Variants in PLA2G2F observed in about 807,000 individuals in gnomAD.
PLA2G2F encodes the protein phospholipase A2 group IIF, also known as group IIF secretory phospholipase A2.
In PLA2G2F, 17 loss-of-function variants were observed where a neutral mutation model predicts 15.9. That is an observed-to-expected ratio of 1.07 (90% CI 0.73 to 1.60). The LOEUF is 1.60. Among genes scored for constraint, PLA2G2F ranks in the 40% most tolerant of loss-of-function variants. PLA2G2F has a pLI of 0.00. For synonymous variants in PLA2G2F, 119 were observed against 106.5 expected, an observed-to-expected ratio of 1.12 and a Z score of -0.72; for missense variants, 299 against 278.2, an observed-to-expected ratio of 1.07 and a Z score of -0.53.
chr1:20,141,055 G>A (rs755548770), intron 2 of PLA2G2F: 5 of 152,382 alleles, frequency 3.3e-5, no homozygotes, highest in South Asian at 2.1e-4. Context: ...AAGGTTCCAC[G>A]TGGCCAGACG....
At chr1:20,148,125 G>A in intron 4 of PLA2G2F, 65 bp from the exon 5 acceptor site, 1 of 1,323,608 alleles carries the variant, frequency 7.6e-7, no homozygotes, top group Admixed American at 1.7e-5. Flanking sequence ...CCCTTCCCCA[G>A]CAGTAGTCCT....
Position 20,148,470 on chromosome 1 carries a change from G to A in PLA2G2F, c.*69G>A. 7.3e-7 allele frequency: 1 copy of A among 1,366,144 alleles called. No homozygotes were observed. The highest frequency in any genetic ancestry group is 2.3e-5 in the East Asian group (1 of 43,330). The allele number at this position is 1,366,144 out of a possible 1,614,324, so 84.6% of individuals were successfully genotyped here. A position where few individuals can be genotyped will look rare whatever the true frequency, so the allele number is the denominator to read the frequency against. ...TGGGGACCAGACGAGGTGCAGGGAG[G>A]GTAGGAGCCAGGCCAGGAGCCTGAG... On this transcript the variant is annotated 3_prime_UTR_variant, in exon 5 of 5. Transcript: ENST00000375102.
intron 4 of PLA2G2F, among the ~76,000 whole-genome samples, chr1:20,145,123 T>G (rs2017561599): frequency 6.6e-6 from 1 of 152,082 alleles, no homozygotes; most frequent in African/African-American, 2.4e-5. Context: ...GGCTGCCTAG[T>G]GAAATTCATT....
intron 4 of PLA2G2F, among the ~76,000 whole-genome samples, chr1:20,146,138 G>A (rs1336088382): frequency 6.6e-6 from 1 of 152,212 alleles, no homozygotes; most frequent in Admixed American, 6.5e-5. Flanking sequence ...TCCCCAGATG[G>A]TTCTGAGACT....
At chr1:20,146,604 C>T (rs970627585) in intron 4 of PLA2G2F, among the ~76,000 whole-genome samples, 6 of 152,222 alleles carry the variant, frequency 3.9e-5, no homozygotes, top group African/African-American at 9.6e-5. Flanking sequence ...CCTCTTTGCC[C>T]CCATGTCTTC....
Position 20,148,500 on chromosome 1 carries a change from G to A in PLA2G2F, c.*99G>A. ...GAGCCAGGCCAGGAGCCTGAGGGTTGCTGGTTGCCTCCTCCCTGGAGCTCT... is the reference window on the plus strand; with the variant it reads ...GAGCCAGGCCAGGAGCCTGAGGGTTACTGGTTGCCTCCTCCCTGGAGCTCT... On this transcript the variant is annotated 3_prime_UTR_variant, in exon 5 of 5. Coordinates refer to ENST00000375102, the MANE Select transcript of PLA2G2F (RefSeq NM_022819.4). The A allele has an allele frequency of 9.9e-7, 1 of 1,010,376 alleles. No homozygotes were observed. Among genetic ancestry groups the A allele is most frequent in the Non-Finnish European group, 1.5e-6 (1 of 679,514 alleles). 62.6% of individuals were successfully genotyped at this position (1,010,376 alleles called of 1,614,324 possible).
chr1:20,144,278 C>T (rs1404001290), intron 3 of PLA2G2F, among the ~76,000 whole-genome samples: 2 of 152,178 alleles, frequency 1.3e-5, no homozygotes, highest in African/African-American at 4.8e-5. Context: ...CCCACTGCTG[C>T]AGCCGGGGCT....
rs952703019 is a variant in PLA2G2F, at chr1:20,148,462, G to T, written c.*61G>T. On this transcript the variant is annotated 3_prime_UTR_variant, in exon 5 of 5. Coordinates refer to ENST00000375102, the MANE Select transcript of PLA2G2F (RefSeq NM_022819.4). ...GTCTGGCTTGGGGACCAGACGAGGTGCAGGGAGGGTAGGAGCCAGGCCAGG... is the reference window on the plus strand; with the variant it reads ...GTCTGGCTTGGGGACCAGACGAGGTTCAGGGAGGGTAGGAGCCAGGCCAGG... 26 of 1,437,160 alleles carry T rather than the reference G, an allele frequency of 1.8e-5. No homozygotes were observed. The highest frequency in any genetic ancestry group is 2.8e-5 in the African/African-American group (2 of 71,642). 89.0% of individuals were successfully genotyped at this position (1,437,160 alleles called of 1,614,324 possible).
chr1:20,143,864 C>T (rs933548535), intron 3 of PLA2G2F: 1 of 363,830 alleles, frequency 2.7e-6, no homozygotes, highest in Non-Finnish European at 5.1e-6. Context: ...CCAAAACACA[C>T]ATGGGAGAGC....
At chr1:20,145,284 AT>A (rs201526266) in intron 4 of PLA2G2F, among the ~76,000 whole-genome samples, 2,656 of 140,914 alleles carry the variant, frequency 0.019, 32 homozygotes, top group East Asian at 0.055. Flanking sequence ...TAAAACATGT[AT>A]TTTTTTTTTT....
intron 4 of PLA2G2F, among the ~76,000 whole-genome samples, chr1:20,147,601 AC>A: frequency 6.6e-6 from 1 of 151,952 alleles, no homozygotes; most frequent in South Asian, 2.1e-4. Flanking sequence ...GGCGTCCACC[AC>A]CACGCCTGGC....
At chr1:20,145,065 G>A (rs1365153673) in intron 4 of PLA2G2F, among the ~76,000 whole-genome samples, 1 of 151,988 alleles carries the variant, frequency 6.6e-6, no homozygotes, top group Non-Finnish European at 1.5e-5. Flanking sequence ...GGGAGACAGA[G>A]TGAGACTCTG....
rs1227196940 is a variant in PLA2G2F, at chr1:20,148,582, G to C, written c.*181G>C. 1.6e-6 allele frequency: 1 copy of C among 606,366 alleles called. No homozygotes were observed. The highest frequency in any genetic ancestry group is 2.9e-6 in the Non-Finnish European group (1 of 343,152). The allele number at this position is 606,366 out of a possible 1,614,324, so 37.6% of individuals were successfully genotyped here. On this transcript the variant is annotated 3_prime_UTR_variant, in exon 5 of 5. Transcript: ENST00000375102. The stretch of plus-strand genomic sequence containing the variant: ...GAAGGCCTGGGTCCTGACTCCCCCA[G>C]CCCAGCCCCAGGCATGGGTGCCTCC...
intron 2 of PLA2G2F, chr1:20,142,715 A>G (rs1035525553): frequency 6.6e-6 from 1 of 152,270 alleles, no homozygotes; most frequent in African/African-American, 2.4e-5. Flanking sequence ...ATCAGCCTGT[A>G]ATACGAAGCC....
In PLA2G2F at chr1:20,148,560, G is replaced by A. The variant is rs572982478; in HGVS notation, c.*159G>A. ...GCTCAGCTCTCAGAGGACTCAGGAA[G>A]GCCTGGGTCCTGACTCCCCCAGCCC... On this transcript the variant is annotated 3_prime_UTR_variant, in exon 5 of 5. Coordinates refer to ENST00000375102, the MANE Select transcript of PLA2G2F (RefSeq NM_022819.4). 738 of 637,446 alleles carry A rather than the reference G, an allele frequency of 1.2e-3. 5 individuals are homozygous for A. In the African/African-American group the frequency reaches 0.012, roughly 11 times the overall value. 39.5% of individuals were successfully genotyped at this position (637,446 alleles called of 1,614,324 possible). A position where few individuals can be genotyped will look rare whatever the true frequency, so the allele number is the denominator to read the frequency against.
At chr1:20,142,280 C>T (rs964261008) in intron 2 of PLA2G2F, 1 of 152,302 alleles carries the variant, frequency 6.6e-6, no homozygotes, top group Non-Finnish European at 1.5e-5. Context: ...TTCCCAGCTC[C>T]GCAGTACACA....
intron 2 of PLA2G2F, chr1:20,140,713 T>C (rs555258977): frequency 6.2e-6 from 1 of 161,998 alleles, no homozygotes; most frequent in Admixed American, 5.9e-5. Flanking sequence ...CTTCAGAGCA[T>C]GCTTATGGAT....
rs551488528 is a variant in PLA2G2F, at chr1:20,143,802, C to T, written c.314+212C>T. On this transcript the variant is annotated intron_variant, in intron 3 of 4. Coordinates refer to ENST00000375102, the MANE Select transcript of PLA2G2F (RefSeq NM_022819.4). ...TGTTGTCCATCTCCAAGGCCATGGGCTTGGAAGTGTTTCAGCCCCTCCTCT... is the reference window on the plus strand; with the variant it reads ...TGTTGTCCATCTCCAAGGCCATGGGTTTGGAAGTGTTTCAGCCCCTCCTCT... 18 of 588,926 alleles carry T rather than the reference C, an allele frequency of 3.1e-5. No homozygotes were observed. In the East Asian group the frequency reaches 5.3e-4, roughly 17 times the overall value. 36.5% of individuals were successfully genotyped at this position (588,926 alleles called of 1,614,324 possible). A position where few individuals can be genotyped will look rare whatever the true frequency, so the allele number is the denominator to read the frequency against.
At chr1:20,143,770 C>T (rs999557795) in intron 3 of PLA2G2F, 180 bp downstream of exon 3, 14 of 777,654 alleles carry the variant, frequency 1.8e-5, no homozygotes, top group Admixed American at 6.0e-5. Context: ...CTGTTTTGAG[C>T]GCTTTCTGTT....
Sources: allele counts gnomAD v4.1 joint callset (sites outside exome capture counted in the v4.1 genomes callset), GRCh38; gene constraint gnomAD v4.1.1; transcripts MANE v1.5; gene names NCBI Gene and HGNC (gene_info 2026-07-23, HGNC 2026-07-21).